CAP2: variants seen among roughly 807,000 people sequenced by gnomAD.
CAP2 encodes the protein adenylyl cyclase-associated protein 2.
In CAP2, 24 loss-of-function variants were observed where a neutral mutation model predicts 57.7. The observed-to-expected ratio is 0.42, with a 90% CI of 0.30 to 0.58. CAP2 has a LOEUF of 0.58. CAP2 is among the 20% of genes least tolerant of loss of function. The probability of loss-of-function intolerance (pLI) is 0.22; values close to 1 mark genes in which losing one functional copy is unlikely to be tolerated. For missense variants in CAP2, 501 were observed against 590.3 expected, an observed-to-expected ratio of 0.85 and a Z score of 1.57; for synonymous variants, 194 against 207.2, an observed-to-expected ratio of 0.94 and a Z score of 0.55.
chr6:17,448,267 C>A (rs1238341084), intron 3 of CAP2, among the ~76,000 whole-genome samples: 1 of 152,232 alleles, frequency 6.6e-6, no homozygotes, highest in Non-Finnish European at 1.5e-5. Flanking sequence ...ATTCATCAAC[C>A]ATGAAGGATT....
At chr6:17,471,628 C>G (rs921888918) in intron 4 of CAP2, among the ~76,000 whole-genome samples, 1 of 151,914 alleles carries the variant, frequency 6.6e-6, no homozygotes, top group South Asian at 2.1e-4. Flanking sequence ...GTCAGGAGAT[C>G]GAGACCATCC....
At chr6:17,401,261 G>T (rs75229373) in intron 1 of CAP2, among the ~76,000 whole-genome samples, 2 of 152,134 alleles carry the variant, frequency 1.3e-5, no homozygotes, top group African/African-American at 4.8e-5. Flanking sequence ...TGCTCCTTTC[G>T]CCAAGTAAGG....
intron 4 of CAP2, among the ~76,000 whole-genome samples, chr6:17,475,044 A>G (rs1761115903): frequency 6.6e-6 from 1 of 151,986 alleles, no homozygotes; most frequent in Non-Finnish European, 1.5e-5. Flanking sequence ...AAAATACAAA[A>G]ATTAGCTGGA....
chr6:17,529,651 A>AAAATAT lies in CAP2; in HGVS notation c.637-9617_637-9616insAATATA, dbSNP rs10656588. On this transcript the variant is annotated intron_variant, in intron 7 of 12. Coordinates refer to ENST00000229922, the MANE Select transcript of CAP2 (RefSeq NM_006366.3). The stretch of plus-strand genomic sequence containing the variant: ...GCAAGACTCCGTCTCAAAAAAAAAA[A>AAAATAT]ATATATATATATATATATATGTATA... 5.5e-3 allele frequency among the ~76,000 whole-genome samples: 739 copies of AAAATAT among 134,460 alleles called. 3 individuals carry two copies. Among genetic ancestry groups the AAAATAT allele is most frequent in the South Asian group, 0.02 (85 of 4,236 alleles). 88.2% of individuals were successfully genotyped at this position (134,460 alleles called of 152,430 possible).
chr6:17,406,043 A>G (rs1440242120), intron 1 of CAP2, among the ~76,000 whole-genome samples: 2 of 151,902 alleles, frequency 1.3e-5, no homozygotes, highest in Non-Finnish European at 2.9e-5. Context: ...GCCCAGCCTG[A>G]GCAGTGGTTT....
chr6:17,525,842 T>C (rs553953440), intron 7 of CAP2, among the ~76,000 whole-genome samples: 1 of 152,224 alleles, frequency 6.6e-6, no homozygotes, highest in South Asian at 2.1e-4. Context: ...AGACTCAAAG[T>C]CTGGGAGCCA....
intron 3 of CAP2, among the ~76,000 whole-genome samples, chr6:17,458,886 C>CAAAAAAAAAAAA (rs397779120): frequency 9.1e-6 from 1 of 110,294 alleles, no homozygotes; most frequent in African/African-American, 3.0e-5. Flanking sequence ...CACAAAGGAG[C>CAAAAAAAAAAAA]AAAAAAAAAA....
intron 1 of CAP2, among the ~76,000 whole-genome samples, chr6:17,397,925 A>G (rs548726806): frequency 4.9e-4 from 61 of 125,530 alleles, no homozygotes; most frequent in Non-Finnish European, 7.7e-4. Flanking sequence ...TTTTAATGGG[A>G]AAAAAAAAAA....
chr6:17,547,194 C>T (rs997603394), intron 11 of CAP2, among the ~76,000 whole-genome samples: 1 of 152,156 alleles, frequency 6.6e-6, no homozygotes. Flanking sequence ...TCTATAAATA[C>T]ATTTATTGTA....
chr6:17,429,433 A>G (rs1403160689), intron 3 of CAP2, among the ~76,000 whole-genome samples: 1 of 152,200 alleles, frequency 6.6e-6, no homozygotes, highest in Non-Finnish European at 1.5e-5. Context: ...AATGAGACCT[A>G]TAAATAAGTA....
At chr6:17,487,015 A>G (rs1761435595) in intron 4 of CAP2, among the ~76,000 whole-genome samples, 1 of 152,214 alleles carries the variant, frequency 6.6e-6, no homozygotes, top group African/African-American at 2.4e-5. Flanking sequence ...AGCAACCTCC[A>G]AGCAAGGAAC....
At chr6:17,415,586 A>G (rs895330838) in intron 1 of CAP2, among the ~76,000 whole-genome samples, 19 of 152,210 alleles carry the variant, frequency 1.2e-4, no homozygotes, top group African/African-American at 4.3e-4. Flanking sequence ...AGTCAATCAA[A>G]AAGTATTTAT....
At chr6:17,469,675 G>A (rs970655833) in intron 4 of CAP2, among the ~76,000 whole-genome samples, 7 of 152,052 alleles carry the variant, frequency 4.6e-5, no homozygotes, top group African/African-American at 1.7e-4. Flanking sequence ...ACTTTAAAGG[G>A]AAATAGTGCC....
intron 3 of CAP2, among the ~76,000 whole-genome samples, chr6:17,434,624 C>G (rs967224546): frequency 2.6e-5 from 4 of 152,194 alleles, no homozygotes; most frequent in Non-Finnish European, 5.9e-5. Flanking sequence ...TACTAATGTA[C>G]GTGTTCATCC....
At chr6:17,518,785 G>A (rs988920055) in intron 7 of CAP2, among the ~76,000 whole-genome samples, 7 of 151,998 alleles carry the variant, frequency 4.6e-5, no homozygotes, top group African/African-American at 1.4e-4. Flanking sequence ...CTACAGGCCT[G>A]CACCACCACA....
At chr6:17,555,078 G>A (rs1263694231) in intron 12 of CAP2, among the ~76,000 whole-genome samples, 4 of 152,188 alleles carry the variant, frequency 2.6e-5, no homozygotes, top group Non-Finnish European at 4.4e-5. Context: ...TACTCCATGT[G>A]ATTGGAACCA....
chr6:17,405,649 GTA>G (rs1191229255), intron 1 of CAP2, among the ~76,000 whole-genome samples: 1 of 152,132 alleles, frequency 6.6e-6, no homozygotes, highest in Non-Finnish European at 1.5e-5. Context: ...CTGTAAATGT[GTA>G]GCTTTCACCA....
intron 4 of CAP2, among the ~76,000 whole-genome samples, chr6:17,469,160 A>G (rs959582737): frequency 6.6e-6 from 1 of 152,220 alleles, no homozygotes; most frequent in Non-Finnish European, 1.5e-5. Flanking sequence ...TGATGCCTTG[A>G]TGGGCACCAC....
chr6:17,450,936 C>T (rs1760385413), intron 3 of CAP2, among the ~76,000 whole-genome samples: 1 of 152,098 alleles, frequency 6.6e-6, no homozygotes, highest in Non-Finnish European at 1.5e-5. Context: ...TTGAGCAGGC[C>T]AGAGTCTTTA....
Sources: allele counts gnomAD v4.1 joint callset (sites outside exome capture counted in the v4.1 genomes callset), GRCh38; gene constraint gnomAD v4.1.1; transcripts MANE v1.5; gene names NCBI Gene and HGNC (gene_info 2026-07-23, HGNC 2026-07-21).